The following RGS10 variants were observed in gnomAD, a reference collection of about 807,000 sequenced individuals.
RGS10 encodes the protein regulator of G protein signaling 10.
Under a neutral mutation model 23.5 loss-of-function variants are expected in RGS10, and 11 were observed. The ratio of observed to expected loss-of-function variants is 0.47; its 90% confidence interval spans 0.29 to 0.77. The LOEUF is 0.77. Among genes scored for constraint, RGS10 ranks in the 30% least tolerant of loss-of-function variants. The pLI, the probability that RGS10 is intolerant of heterozygous loss-of-function variation, is 0.08. For missense variants in RGS10, 180 were observed against 226.3 expected (o/e 0.80, Z 1.31); for synonymous variants, 77 against 83.2 (o/e 0.92, Z 0.41).
intron 4 of RGS10, among the ~76,000 whole-genome samples, chr10:119,505,438 G>A (rs1259760723): frequency 6.8e-6 from 1 of 146,348 alleles, no homozygotes; most frequent in Non-Finnish European, 1.5e-5. Context: ...GTTTAGCATC[G>A]TTGCCTTGGG....
intron 3 of RGS10, among the ~76,000 whole-genome samples, chr10:119,519,807 G>T (rs189827942): frequency 1.3e-5 from 2 of 151,516 alleles, no homozygotes; most frequent in African/African-American, 4.9e-5. Flanking sequence ...CTGTCTCCCT[G>T]TCCCCTCCGT....
intron 4 of RGS10, among the ~76,000 whole-genome samples, chr10:119,510,459 T>A (rs921990003): frequency 3.3e-5 from 5 of 152,132 alleles, no homozygotes; most frequent in Non-Finnish European, 5.9e-5. Context: ...GAGCCCTCCT[T>A]GAGCACAGAC....
At chr10:119,520,218 C>T (rs1471581912) in intron 3 of RGS10, among the ~76,000 whole-genome samples, 2 of 152,194 alleles carry the variant, frequency 1.3e-5, no homozygotes, top group Admixed American at 1.3e-4. Flanking sequence ...AAGAAAATAT[C>T]CAATAAATGA....
rs201036573 is a variant in RGS10 at position 119,527,403 on chromosome 10, C to G, written c.71G>C (p.Ser24Thr). 13 of 1,614,230 alleles carry G rather than the reference C, an allele frequency of 8.1e-6. No individual in the cohort carries two copies. In the Admixed American group the frequency reaches 1.2e-4, roughly 14 times the overall value. Reference sequence around the variant, plus strand: ...GAGGCTCTGGTGGCTGCTGCTGGAACTGCCATCGCTGTCGTGGATGTCTGC... The same window carrying G: ...GAGGCTCTGGTGGCTGCTGCTGGAAGTGCCATCGCTGTCGTGGATGTCTGC... ...PPSDIHDSDG[S>T]SSSSHQSLKS... Residue 24 changes from serine to threonine, a missense_variant, in exon 2 of 5, where the codon AGT (serine) becomes ACT (threonine). Physicochemically the swap from Ser to Thr is moderately conservative, Grantham distance 58. Coordinates refer to ENST00000369103, the MANE Select transcript of RGS10 (RefSeq NM_001005339.2). This position sits in a 1 kb window ranked among gnomAD's most constrained non-coding sequence, Gnocchi z 4.2.
rs1421686239 is a variant in RGS10 at position 119,517,488 on chromosome 10, T to G, written c.256-1836A>C. Among the ~76,000 whole-genome samples, 3 of 152,178 alleles carry G rather than the reference T, an allele frequency of 2.0e-5. No homozygotes were observed. The highest frequency in any genetic ancestry group is 7.2e-5 in the African/African-American group (3 of 41,452). ...TCCTCTCCAAGACCCACCAGCTCCA[T>G]GAAGCCACAGCCTCCCTCCACCACC... On this transcript the variant is annotated intron_variant, in intron 3 of 4. Transcript: ENST00000369103. This position sits in a 1 kb window ranked among gnomAD's most constrained non-coding sequence, Gnocchi z 5.0.
At chr10:119,528,466 C>T (rs1844300992) in intron 1 of RGS10, among the ~76,000 whole-genome samples, 1 of 152,092 alleles carries the variant, frequency 6.6e-6, no homozygotes, top group African/African-American at 2.4e-5. Context: ...TATGGCTCAG[C>T]ATCACACTGT....
intron 3 of RGS10, among the ~76,000 whole-genome samples, chr10:119,523,797 G>T (rs1384877102): frequency 1.3e-5 from 2 of 152,156 alleles, no homozygotes; most frequent in Admixed American, 6.5e-5. Context: ...GACCTGAAAG[G>T]CTGGAAGAGG....
In RGS10 at chr10:119,538,401, T is replaced by C. The variant is rs370321055; in HGVS notation, c.49+4189A>G. On this transcript the variant is annotated intron_variant, in intron 1 of 4. Coordinates refer to ENST00000369103, the MANE Select transcript of RGS10 (RefSeq NM_001005339.2). The surrounding 1 kb of genome is among the most constrained non-coding windows in gnomAD (Gnocchi z 4.5). Reference sequence around the variant, plus strand: ...ATGGTTCCCTCCTGCTCAGACAAGCTGCTCTGTCAAGCATGGAGGGTGGGA... The same window carrying C: ...ATGGTTCCCTCCTGCTCAGACAAGCCGCTCTGTCAAGCATGGAGGGTGGGA... Among the ~76,000 whole-genome samples the C allele has an allele frequency of 7.9e-5, 12 of 152,154 alleles. No individual in the cohort carries two copies. Among genetic ancestry groups the C allele is most frequent in the African/African-American group, 2.9e-4 (12 of 41,444 alleles).
chr10:119,503,096 G>A (rs989051195), intron 4 of RGS10, among the ~76,000 whole-genome samples: 3 of 152,128 alleles, frequency 2.0e-5, no homozygotes, highest in African/African-American at 7.2e-5. Flanking sequence ...ATGCAACTAA[G>A]GCCGGGTGCG....
At chr10:119,521,781 A>C (rs778758701) in intron 3 of RGS10, among the ~76,000 whole-genome samples, 1 of 152,042 alleles carries the variant, frequency 6.6e-6, no homozygotes. Flanking sequence ...CAAAAGTAGA[A>C]GACTAAGGAA....
In RGS10 at chr10:119,515,671, G is replaced by T; in HGVS notation, c.256-19C>A. 1 of 1,613,494 alleles carries T rather than the reference G, an allele frequency of 6.2e-7. No homozygotes were observed. The highest frequency in any genetic ancestry group is 8.5e-7 in the Non-Finnish European group (1 of 1,179,794). On this transcript the variant is annotated intron_variant, in intron 3 of 4. Coordinates refer to ENST00000369103, the MANE Select transcript of RGS10 (RefSeq NM_001005339.2). ...CCTGCATCTGGAGGAGACAGATGGGGCCTTGTGCTATCTGCACACACAGCC... is the reference window on the plus strand; with the variant it reads ...CCTGCATCTGGAGGAGACAGATGGGTCCTTGTGCTATCTGCACACACAGCC...
intron 4 of RGS10, among the ~76,000 whole-genome samples, chr10:119,502,477 C>A (rs1271536576): frequency 6.6e-6 from 1 of 152,200 alleles, no homozygotes; most frequent in Non-Finnish European, 1.5e-5. Flanking sequence ...GCGACCCAAG[C>A]GTCTCGTGTG....
chr10:119,530,291 G>T (rs150513754), intron 1 of RGS10, among the ~76,000 whole-genome samples: 222 of 152,126 alleles, frequency 1.5e-3, no homozygotes, highest in Non-Finnish European at 2.5e-3. Context: ...GTTCTATGGG[G>T]GGTCAAAATA....
At chr10:119,514,602 G>A (rs1246018924) in intron 4 of RGS10, among the ~76,000 whole-genome samples, 7 of 149,576 alleles carry the variant, frequency 4.7e-5, no homozygotes, top group Middle Eastern at 7.0e-3. Flanking sequence ...AGGTTGCAGT[G>A]AACCAAGATC....
At chr10:119,519,446 C>G (rs1466232350) in intron 3 of RGS10, among the ~76,000 whole-genome samples, 1 of 144,516 alleles carries the variant, frequency 6.9e-6, no homozygotes, top group Non-Finnish European at 1.5e-5. Context: ...TGTCTGTCCC[C>G]CAGCTCCTGT....
At chr10:119,500,660 A>T (rs921371467) in intron 4 of RGS10, among the ~76,000 whole-genome samples, 1 of 151,324 alleles carries the variant, frequency 6.6e-6, no homozygotes, top group African/African-American at 2.4e-5. Flanking sequence ...AGTGGTGTTA[A>T]AAAGATCACT....
At chr10:119,534,621 T>C (rs1364773076) in intron 1 of RGS10, among the ~76,000 whole-genome samples, 1 of 128,330 alleles carries the variant, frequency 7.8e-6, no homozygotes, top group Non-Finnish European at 1.6e-5. Flanking sequence ...GTTGGCGCGG[T>C]GGCTCACGCC....
At chr10:119,528,301 G>A (rs560655687) in intron 1 of RGS10, among the ~76,000 whole-genome samples, 1 of 152,146 alleles carries the variant, frequency 6.6e-6, no homozygotes, top group African/African-American at 2.4e-5. Context: ...AAAGTGCTGG[G>A]ATTACATGCA....
At chr10:119,519,047 C>A (rs1229568328) in intron 3 of RGS10, among the ~76,000 whole-genome samples, 1 of 152,130 alleles carries the variant, frequency 6.6e-6, no homozygotes, top group Non-Finnish European at 1.5e-5. Context: ...AAGCATGCAC[C>A]CCTGCCTCCA....
Sources: allele counts gnomAD v4.1 joint callset (sites outside exome capture counted in the v4.1 genomes callset), GRCh38; gene constraint gnomAD v4.1.1; non-coding constraint Gnocchi (gnomAD v3.1); transcripts MANE v1.5; gene names NCBI Gene and HGNC (gene_info 2026-07-23, HGNC 2026-07-21).